ZNF621: variants seen among roughly 807,000 people sequenced by gnomAD.
ZNF621 encodes zinc finger protein 621.
Under a neutral mutation model 12.7 loss-of-function variants are expected in ZNF621, and 6 were observed. That is an observed-to-expected ratio of 0.47 (90% CI 0.26 to 0.93). ZNF621 has a LOEUF of 0.93. Among genes scored for constraint, ZNF621 ranks in the 40% least tolerant of loss-of-function variants. The pLI, the probability that ZNF621 is intolerant of heterozygous loss-of-function variation, is 0.15. For synonymous variants in ZNF621, 156 were observed against 190.3 expected, an observed-to-expected ratio of 0.82 and a Z score of 1.48; for missense variants, 474 against 524.0, an observed-to-expected ratio of 0.90 and a Z score of 0.93.
Position 40,539,324 on chromosome 3 carries a change from C to A in ZNF621, c.*6234C>A, listed in dbSNP as rs1698946573. 1 of 152,192 alleles carries A rather than the reference C, an allele frequency of 6.6e-6. No individual in the cohort carries two copies. The allele number at this position is 152,192 out of a possible 1,614,324, so 9.4% of individuals were successfully genotyped here. ...TAGAGCCACACTAACCTTCAGCAACCACCACACCGATCATTCAGCAGCCAT... is the reference window on the plus strand; with the variant it reads ...TAGAGCCACACTAACCTTCAGCAACAACCACACCGATCATTCAGCAGCCAT... On this transcript the variant is annotated 3_prime_UTR_variant, in exon 5 of 5. Transcript: ENST00000339296.
At chr3:40,525,753 A>C in intron 1 of ZNF621, 26 bp from the exon 2 acceptor site, 1 of 1,594,992 alleles carries the variant, frequency 6.3e-7, no homozygotes, top group South Asian at 1.1e-5. Context: ...CAGGGTCCTT[A>C]GCACTCATGG....
intron 1 of ZNF621, 114 bp downstream of exon 1, chr3:40,525,388 C>G (rs1032984772): frequency 2.3e-5 from 5 of 217,546 alleles, no homozygotes; most frequent in Non-Finnish European, 4.6e-5. Context: ...GTATTTTACC[C>G]TTAATCCGCA....
In ZNF621 at chr3:40,533,243, C is replaced by A. The variant is rs13086983; in HGVS notation, c.*153C>A. On this transcript the variant is annotated 3_prime_UTR_variant, in exon 5 of 5. Coordinates refer to ENST00000339296, the MANE Select transcript of ZNF621 (RefSeq NM_198484.5). Reference sequence around the variant, plus strand: ...GCAACCTCCCCCTCCTGGGTTCAAGCGATTCTCCTCCTTCAGACTCTCGAA... The same window carrying A: ...GCAACCTCCCCCTCCTGGGTTCAAGAGATTCTCCTCCTTCAGACTCTCGAA... 1.6e-6 allele frequency: 2 copies of A among 1,239,024 alleles called. No individual in the cohort carries two copies. 76.8% of individuals were successfully genotyped at this position (1,239,024 alleles called of 1,614,324 possible).
In ZNF621 at chr3:40,533,101, G is replaced by C; in HGVS notation, c.*11G>C. 4 of 1,549,370 alleles carry C rather than the reference G, an allele frequency of 2.6e-6. No individual in the cohort carries two copies. The highest frequency in any genetic ancestry group is 2.6e-6 in the Non-Finnish European group (3 of 1,145,152). ...TCTCACTCCTCATGAGCTTTATCTT[G>C]GCAGTCTTACGGCTCTTATGCCTAG... On this transcript the variant is annotated 3_prime_UTR_variant, in exon 5 of 5. Coordinates refer to ENST00000339296, the MANE Select transcript of ZNF621 (RefSeq NM_198484.5).
intron 3 of ZNF621, chr3:40,529,674 G>C: frequency 8.2e-7 from 1 of 1,224,136 alleles, no homozygotes; most frequent in Non-Finnish European, 1.1e-6. Flanking sequence ...CTAGGCTGGA[G>C]GGCAGTGGCA....
chr3:40,526,323 G>A (rs1205199810), intron 2 of ZNF621, among the ~76,000 whole-genome samples: 4 of 152,012 alleles, frequency 2.6e-5, no homozygotes, highest in South Asian at 2.1e-4. Flanking sequence ...GATGTGCGCC[G>A]CCACGTGTGG....
rs1698564177 is a variant in ZNF621, at chr3:40,525,761, T to C, written c.-62-18T>C. 1 of 1,608,462 alleles carries C rather than the reference T, an allele frequency of 6.2e-7. No individual in the cohort carries two copies. Among genetic ancestry groups the C allele is most frequent in the South Asian group, 1.1e-5 (1 of 90,880 alleles). ...TGGACGACAGGGTCCTTAGCACTCATGGCTCTTTTTCTCTTAGCTCTTGAG... is the reference window on the plus strand; with the variant it reads ...TGGACGACAGGGTCCTTAGCACTCACGGCTCTTTTTCTCTTAGCTCTTGAG... On this transcript the variant is annotated intron_variant, in intron 1 of 4. Transcript: ENST00000339296.
chr3:40,530,052 G>A lies in ZNF621; in HGVS notation c.152-157G>A, dbSNP rs77972599. Among the ~76,000 whole-genome samples, 1,186 of 152,166 alleles carry A rather than the reference G, an allele frequency of 7.8e-3. 11 individuals are homozygous for A. Among genetic ancestry groups the A allele is most frequent in the African/African-American group, 0.027 (1,137 of 41,518 alleles). Reference sequence around the variant, plus strand: ...AGAATCATACCTCCTTGGCTTTATCGTGGAGCACAGTTTGGACCTCCTTGT... The same window carrying A: ...AGAATCATACCTCCTTGGCTTTATCATGGAGCACAGTTTGGACCTCCTTGT... On this transcript the variant is annotated intron_variant, in intron 3 of 4. Transcript: ENST00000339296.
At position 40,532,573 on chromosome 3, in the gene ZNF621, G is replaced by A; in HGVS notation, c.803G>A (p.Cys268Tyr). The A allele has an allele frequency of 6.2e-7, 1 of 1,614,132 alleles. No homozygotes were observed. Residue 268 changes from cysteine to tyrosine, a missense_variant, in exon 5 of 5, where the codon TGT becomes TAT. Cys to Tyr is a radical substitution (Grantham distance 194, BLOSUM62 -2). Coordinates refer to ENST00000339296, the MANE Select transcript of ZNF621 (RefSeq NM_198484.5). The part of the protein sequence containing the change: ...TGEKLYKCKE[C>Y]WKAFGCRSLF... ...GAGAAACTCTATAAATGTAAGGAAT[G>A]TTGGAAAGCTTTCGGTTGTAGGTCA...
In ZNF621 at chr3:40,527,241, T is replaced by G. The variant is rs1452457932; in HGVS notation, c.24+1377T>G. ...CCATGTTGGTCAGCTGATCTCGAAC[T>G]CCCGACCTCAGGTGATCCGCCTGCC... On this transcript the variant is annotated intron_variant, in intron 2 of 4. Transcript: ENST00000339296. Among the ~76,000 whole-genome samples the G allele has an allele frequency of 2.6e-5, 4 of 152,280 alleles. No individual in the cohort carries two copies. In the South Asian group the frequency reaches 8.3e-4, roughly 32 times the overall value.
Position 40,527,174 on chromosome 3 carries a change from C to T in ZNF621, c.24+1310C>T, listed in dbSNP as rs77288670. On this transcript the variant is annotated intron_variant, in intron 2 of 4. Transcript: ENST00000339296. ...ATGGAATTACAGGTGCCCGCCACCA[C>T]GTCCGGCTAATTTTTGTATTTTTAG... Among the ~76,000 whole-genome samples the T allele has an allele frequency of 9.2e-4, 139 of 151,798 alleles. 1 individual carries two copies. In the East Asian group the frequency reaches 0.014, roughly 15 times the overall value.
At chr3:40,523,528 G>A (rs1559555007), upstream of ZNF621, among the ~76,000 whole-genome samples, 1 of 152,180 alleles carries the variant, frequency 6.6e-6, no homozygotes, top group Non-Finnish European at 1.5e-5. Flanking sequence ...CACTTTGGGA[G>A]GCCGAGGTGC....
rs1698901593 is a variant in ZNF621, at chr3:40,537,623, A to G, written c.*4533A>G. 1 of 152,570 alleles carries G rather than the reference A, an allele frequency of 6.6e-6. No homozygotes were observed. 9.5% of individuals were successfully genotyped at this position (152,570 alleles called of 1,614,324 possible). On this transcript the variant is annotated 3_prime_UTR_variant, in exon 5 of 5. Coordinates refer to ENST00000339296, the MANE Select transcript of ZNF621 (RefSeq NM_198484.5). ...AAAAAGTGAAACAGCATTATTACTG[A>G]TATGGAGAAAGTTTTAGGGGTCTGG...
chr3:40,537,988 A>G lies in ZNF621; in HGVS notation c.*4898A>G, dbSNP rs1484734577. On this transcript the variant is annotated 3_prime_UTR_variant, in exon 5 of 5. Transcript: ENST00000339296. Reference sequence around the variant, plus strand: ...AGAAGTTAATCCCTGGCTTAAAAGCATCAAAGGACAGCTCGTCTCTCTTGT... The same window carrying G: ...AGAAGTTAATCCCTGGCTTAAAAGCGTCAAAGGACAGCTCGTCTCTCTTGT... 6.6e-6 allele frequency among the ~76,000 whole-genome samples: 1 copy of G among 152,228 alleles called. No individual in the cohort carries two copies. The highest frequency in any genetic ancestry group is 2.4e-5 in the African/African-American group (1 of 41,458).
In ZNF621 at chr3:40,531,986, C is replaced by A. The variant is rs1698735951; in HGVS notation, c.260-44C>A. On this transcript the variant is annotated intron_variant, in intron 4 of 4. Transcript: ENST00000339296. The stretch of plus-strand genomic sequence containing the variant: ...ATTAGGAACACTGGATCCTACTTTT[C>A]TTCCAGTTTTGTAACTAGGAACACT... 2.6e-6 allele frequency: 4 copies of A among 1,529,926 alleles called. No individual in the cohort carries two copies. The South Asian group carries it at 3.7e-5, about 14-fold the overall frequency. The allele number at this position is 1,529,926 out of a possible 1,614,324, so 94.8% of individuals were successfully genotyped here.
At chr3:40,529,551 A>G (rs769792328) in intron 3 of ZNF621, 106 bp downstream of exon 3, 76 of 1,590,840 alleles carry the variant, frequency 4.8e-5, no homozygotes, top group Non-Finnish European at 6.3e-5. Context: ...AGAGTTTTGC[A>G]ATCAGCAGCC....
intron 2 of ZNF621, among the ~76,000 whole-genome samples, chr3:40,527,864 G>T (rs1698623325): frequency 6.6e-6 from 1 of 152,172 alleles, no homozygotes; most frequent in Non-Finnish European, 1.5e-5. Context: ...GTTTTTTAGA[G>T]CAGTTTTAGT....
At chr3:40,530,178 C>T in intron 3 of ZNF621, 31 bp from the exon 4 acceptor site, 1 of 1,591,100 alleles carries the variant, frequency 6.3e-7, no homozygotes. Context: ...GACGTCTCCC[C>T]TCAATTTGTC....
Position 40,535,765 on chromosome 3 carries a change from T to C in ZNF621, c.*2675T>C, listed in dbSNP as rs1698851762. ...TGGGGAAGGGATTTTCAGAATATGT[T>C]GAGCAGCTGTAAAATATCAGATACC... On this transcript the variant is annotated 3_prime_UTR_variant, in exon 5 of 5. Coordinates refer to ENST00000339296, the MANE Select transcript of ZNF621 (RefSeq NM_198484.5). The C allele has an allele frequency of 6.6e-6, 1 of 152,146 alleles. No homozygotes were observed. Among genetic ancestry groups the C allele is most frequent in the African/African-American group, 2.4e-5 (1 of 41,424 alleles). 9.4% of individuals were successfully genotyped at this position (152,146 alleles called of 1,614,324 possible).
Sources: allele counts gnomAD v4.1 joint callset (sites outside exome capture counted in the v4.1 genomes callset), GRCh38; gene constraint gnomAD v4.1.1; transcripts MANE v1.5; gene names NCBI Gene and HGNC (gene_info 2026-07-23, HGNC 2026-07-21).